Variants in KHDRBS3 observed in about 807,000 individuals in gnomAD.
KHDRBS3 encodes KH RNA binding domain containing, signal transduction associated 3, also known as KH domain-containing, RNA-binding, signal transduction-associated protein 3.
KHDRBS3 carries 23 observed loss-of-function variants against 45.6 expected under a neutral mutation model. The observed-to-expected ratio is 0.50, with a 90% CI of 0.36 to 0.72. The LOEUF (loss-of-function observed/expected upper bound fraction) is 0.72, where lower values mean the gene tolerates loss of function less well. Ranked by LOEUF, KHDRBS3 falls within the 30% of genes least tolerant of loss-of-function variation. The pLI is 0.00. For synonymous variants in KHDRBS3, 162 were observed against 156.5 expected, an observed-to-expected ratio of 1.04 and a Z score of -0.26; for missense variants, 352 against 424.8, an observed-to-expected ratio of 0.83 and a Z score of 1.51.
chr8:135,634,699 C>A (rs1023580208), intron 7 of KHDRBS3, among the ~76,000 whole-genome samples: 2 of 152,140 alleles, frequency 1.3e-5, no homozygotes, highest in African/African-American at 4.8e-5. Context: ...ATGCTAGTTT[C>A]TCTGACTTTT....
At chr8:135,636,803 C>G (rs1290697497) in intron 7 of KHDRBS3, among the ~76,000 whole-genome samples, 3 of 152,240 alleles carry the variant, frequency 2.0e-5, no homozygotes, top group African/African-American at 7.2e-5. Flanking sequence ...AGAGGCTGAG[C>G]TTCTGCCTTA....
intron 6 of KHDRBS3, among the ~76,000 whole-genome samples, chr8:135,585,621 C>G (rs143926052): frequency 1.3e-5 from 2 of 152,134 alleles, no homozygotes; most frequent in Admixed American, 1.3e-4. Context: ...GCAGAGAACC[C>G]ACCACAGATG....
At chr8:135,470,308 T>C (rs566977054) in intron 1 of KHDRBS3, among the ~76,000 whole-genome samples, 1 of 130,462 alleles carries the variant, frequency 7.7e-6, no homozygotes, top group African/African-American at 3.2e-5. Context: ...GTTTTACTGG[T>C]TTTTTTTTGT....
At chr8:135,485,105 G>A (rs1822784124) in intron 1 of KHDRBS3, among the ~76,000 whole-genome samples, 1 of 152,098 alleles carries the variant, frequency 6.6e-6, no homozygotes. Flanking sequence ...ACTCAGTTCA[G>A]TTTTCTTCAG....
chr8:135,549,051 G>A, intron 4 of KHDRBS3, 151 bp downstream of exon 4: 1 of 435,440 alleles, frequency 2.3e-6, no homozygotes, highest in Non-Finnish European at 3.9e-6. Flanking sequence ...CATTGTCCTT[G>A]TAAATTACTG....
chr8:135,592,527 A>G (rs547575064), intron 6 of KHDRBS3, among the ~76,000 whole-genome samples: 2 of 152,284 alleles, frequency 1.3e-5, no homozygotes, highest in African/African-American at 4.8e-5. Flanking sequence ...AGAACCTGCC[A>G]TGTTTGTTTT....
chr8:135,470,990 G>C (rs1188786617), intron 1 of KHDRBS3, among the ~76,000 whole-genome samples: 3 of 152,212 alleles, frequency 2.0e-5, no homozygotes, highest in African/African-American at 7.2e-5. Flanking sequence ...GAGAGAATCT[G>C]TGTAGCATGT....
At chr8:135,465,217 A>C (rs1821634963) in intron 1 of KHDRBS3, among the ~76,000 whole-genome samples, 1 of 152,206 alleles carries the variant, frequency 6.6e-6, no homozygotes, top group South Asian at 2.1e-4. Context: ...TTTATTTCTC[A>C]GAGCCTCAGT....
Position 135,562,554 on chromosome 8 carries a change from A to G in KHDRBS3, c.611+4967A>G, listed in dbSNP as rs535772106. On this transcript the variant is annotated intron_variant, in intron 5 of 8. Transcript: ENST00000355849. Reference sequence around the variant, plus strand: ...TTACTCCTTTTTTTCATGAAATCACATGCGGTAACTAATGATAGGTGGTAA... The same window carrying G: ...TTACTCCTTTTTTTCATGAAATCACGTGCGGTAACTAATGATAGGTGGTAA... Among the ~76,000 whole-genome samples, 4 of 152,314 alleles carry G rather than the reference A, an allele frequency of 2.6e-5. 1 individual carries two copies. In the South Asian group the frequency reaches 8.3e-4, roughly 32 times the overall value.
intron 7 of KHDRBS3, among the ~76,000 whole-genome samples, chr8:135,616,296 C>A (rs1057311160): frequency 2.6e-5 from 4 of 152,152 alleles, no homozygotes; most frequent in African/African-American, 7.2e-5. Flanking sequence ...AGCTTACATT[C>A]TTTTGCCTAA....
intron 1 of KHDRBS3, among the ~76,000 whole-genome samples, chr8:135,473,886 G>A (rs1822139785): frequency 6.6e-6 from 1 of 152,194 alleles, no homozygotes; most frequent in Non-Finnish European, 1.5e-5. Context: ...CTGAGGCCGG[G>A]TCTGATCTTC....
chr8:135,640,384 G>GA (rs1478968798), intron 7 of KHDRBS3, among the ~76,000 whole-genome samples: 1 of 152,136 alleles, frequency 6.6e-6, no homozygotes, highest in East Asian at 1.9e-4. Context: ...ATGACCTGGG[G>GA]AAGGTCGACT....
intron 7 of KHDRBS3, among the ~76,000 whole-genome samples, chr8:135,619,838 C>A (rs902432029): frequency 2.0e-5 from 3 of 152,162 alleles, no homozygotes; most frequent in African/African-American, 7.2e-5. Context: ...CCCTTGGATT[C>A]TTTGAAGTTT....
At chr8:135,629,073 T>C (rs1830487704) in intron 7 of KHDRBS3, among the ~76,000 whole-genome samples, 1 of 152,214 alleles carries the variant, frequency 6.6e-6, no homozygotes, top group Non-Finnish European at 1.5e-5. Context: ...AGTAAGTTCC[T>C]GCACTTTGTA....
In KHDRBS3 at chr8:135,512,219, A is replaced by G. The variant is rs1440248848; in HGVS notation, c.89-9018A>G. 2.0e-5 allele frequency among the ~76,000 whole-genome samples: 3 copies of G among 152,256 alleles called. No homozygotes were observed. The East Asian group carries it at 5.8e-4, about 29-fold the overall frequency. On this transcript the variant is annotated intron_variant, in intron 1 of 8. Transcript: ENST00000355849. ...TTAGCAGCTACAGTAACATTTTAGT[A>G]ATTTGTCCAATAGAATTTACGATGG...
intron 4 of KHDRBS3, 129 bp from the exon 5 acceptor site, chr8:135,557,319 G>A (rs1253905066): frequency 6.5e-6 from 3 of 458,214 alleles, no homozygotes. Context: ...TAGCAAATTT[G>A]TATTTTGTTT....
intron 7 of KHDRBS3, among the ~76,000 whole-genome samples, chr8:135,629,429 T>C (rs1830504040): frequency 6.6e-6 from 1 of 152,246 alleles, no homozygotes; most frequent in Non-Finnish European, 1.5e-5. Flanking sequence ...ATTCATTCAT[T>C]CATTCCTTCT....
downstream of KHDRBS3, among the ~76,000 whole-genome samples, chr8:135,650,111 A>T (rs1009866392): frequency 6.6e-6 from 1 of 152,236 alleles, no homozygotes; most frequent in African/African-American, 2.4e-5. Context: ...ATTTTCTCAT[A>T]TGGCAGCATA....
intron 1 of KHDRBS3, among the ~76,000 whole-genome samples, chr8:135,505,246 T>C (rs1180577496): frequency 1.3e-5 from 2 of 152,148 alleles, no homozygotes; most frequent in Non-Finnish European, 2.9e-5. Context: ...CATGCCTGCG[T>C]TTTCCCCCAT....
Sources: gnomAD v4.1 joint callset for allele counts (sites outside exome capture counted in the v4.1 genomes callset) on GRCh38, gnomAD v4.1.1 for gene constraint, MANE v1.5 for transcripts, NCBI Gene and HGNC (gene_info 2026-07-23, HGNC 2026-07-21) for gene names.